CTNND2: variants seen among roughly 807,000 people sequenced by gnomAD.
CTNND2 encodes the protein catenin delta 2.
Under a neutral mutation model 144.4 loss-of-function variants are expected in CTNND2, and 22 were observed. The ratio of observed to expected loss-of-function variants is 0.15; its 90% CI spans 0.11 to 0.22. The LOEUF (loss-of-function observed/expected upper bound fraction) is 0.22, where lower values mean the gene tolerates loss of function less well. Ranked by LOEUF, CTNND2 falls within the 10% of genes least tolerant of loss-of-function variation. CTNND2 has a pLI of 1.00. For missense variants in CTNND2, 1,353 were observed against 1,618.8 expected (o/e 0.84, Z 2.82); for synonymous variants, 751 against 695.6 (o/e 1.08, Z -1.25).
chr5:11,659,538 A>G (rs550802087), intron 2 of CTNND2, among the ~76,000 whole-genome samples: 1 of 152,254 alleles, frequency 6.6e-6, no homozygotes, highest in South Asian at 2.1e-4. Context: ...GCAAGGACAT[A>G]GAGCTGATCC....
At chr5:11,306,386 A>T (rs921296478) in intron 9 of CTNND2, among the ~76,000 whole-genome samples, 2 of 152,206 alleles carry the variant, frequency 1.3e-5, no homozygotes, top group African/African-American at 4.8e-5. Flanking sequence ...AACAAATTAA[A>T]AGTTGCAAGC....
rs185180937 is a variant in CTNND2, at chr5:11,375,086, C to T, written c.1177+9579G>A. On this transcript the variant is annotated intron_variant, in intron 7 of 21. Coordinates refer to ENST00000304623, the MANE Select transcript of CTNND2 (RefSeq NM_001332.4). ...CGAAGATGTTTTACATCTCAACATC[C>T]TAAACAGAGGCCTTTTTCCTCAGAT... Among the ~76,000 whole-genome samples the T allele has an allele frequency of 2.2e-4, 33 of 152,258 alleles. No homozygotes were observed. The East Asian group carries it at 6.2e-3, about 28-fold the overall frequency.
chr5:11,551,047 C>T (rs961822686), intron 3 of CTNND2, among the ~76,000 whole-genome samples: 6 of 152,168 alleles, frequency 3.9e-5, no homozygotes, highest in East Asian at 1.9e-4. Context: ...CCCTCTCTAA[C>T]GTGCACTGTG....
At chr5:11,585,003 G>C (rs538408720) in intron 2 of CTNND2, among the ~76,000 whole-genome samples, 12 of 152,244 alleles carry the variant, frequency 7.9e-5, no homozygotes, top group African/African-American at 2.9e-4. Flanking sequence ...AGAAAATGCA[G>C]ATAAATCACA....
chr5:11,231,654 A>G (rs1336203977), intron 10 of CTNND2, among the ~76,000 whole-genome samples: 1 of 152,252 alleles, frequency 6.6e-6, no homozygotes, highest in Non-Finnish European at 1.5e-5. Context: ...AGCAAAGCAT[A>G]AAAGTTTGAA....
chr5:11,278,632 G>A (rs968693533), intron 9 of CTNND2, among the ~76,000 whole-genome samples: 19 of 152,208 alleles, frequency 1.2e-4, no homozygotes, highest in African/African-American at 4.6e-4. Flanking sequence ...AGGGGATGTG[G>A]CTTGAAGATG....
chr5:11,513,539 T>C (rs1771853125), intron 3 of CTNND2, among the ~76,000 whole-genome samples: 1 of 152,204 alleles, frequency 6.6e-6, no homozygotes, highest in South Asian at 2.1e-4. Context: ...TCCATTTCAC[T>C]TTACAAATTG....
intron 12 of CTNND2, among the ~76,000 whole-genome samples, chr5:11,129,099 A>T (rs1360600091): frequency 0.012 from 354 of 29,212 alleles, 88 homozygotes; most frequent in Non-Finnish European, 0.02. Flanking sequence ...ATTATATATA[A>T]ATAAAATATA....
intron 1 of CTNND2, among the ~76,000 whole-genome samples, chr5:11,749,451 G>A (rs1005605959): frequency 2.6e-5 from 4 of 151,970 alleles, no homozygotes; most frequent in Admixed American, 2.0e-4. Flanking sequence ...AAATATGCCA[G>A]GCCAGAGATT....
chr5:11,869,376 G>A (rs900475549), intron 1 of CTNND2, among the ~76,000 whole-genome samples: 1 of 152,180 alleles, frequency 6.6e-6, no homozygotes, highest in Non-Finnish European at 1.5e-5. Context: ...TTCATACAAT[G>A]GAATATTATT....
At chr5:11,165,369 G>A (rs1759210550) in intron 11 of CTNND2, among the ~76,000 whole-genome samples, 1 of 152,016 alleles carries the variant, frequency 6.6e-6, no homozygotes, top group Non-Finnish European at 1.5e-5. Context: ...TTCAATCTGA[G>A]GAAAAACTAT....
intron 2 of CTNND2, among the ~76,000 whole-genome samples, chr5:11,706,564 C>T (rs538252708): frequency 6.6e-6 from 1 of 152,328 alleles, no homozygotes; most frequent in South Asian, 2.1e-4. Context: ...CTAAAGAGTA[C>T]TCTCTTTCCC....
At chr5:11,874,513 A>T (rs749893312) in intron 1 of CTNND2, among the ~76,000 whole-genome samples, 1 of 152,198 alleles carries the variant, frequency 6.6e-6, no homozygotes, top group Admixed American at 6.5e-5. Flanking sequence ...AATAAGGGTG[A>T]TGTGAACACA....
At chr5:11,900,620 C>T (rs1737778866) in intron 1 of CTNND2, among the ~76,000 whole-genome samples, 1 of 152,212 alleles carries the variant, frequency 6.6e-6, no homozygotes, top group Non-Finnish European at 1.5e-5. Flanking sequence ...GTATCATGAA[C>T]TGTTCCTACT....
intron 3 of CTNND2, among the ~76,000 whole-genome samples, chr5:11,412,315 A>T (rs1194998383): frequency 1.3e-5 from 2 of 152,140 alleles, no homozygotes; most frequent in Admixed American, 1.3e-4. Flanking sequence ...TTTTCAGAAG[A>T]GCTCATTTTT....
At chr5:11,767,017 A>G (rs1789633779) in intron 1 of CTNND2, among the ~76,000 whole-genome samples, 1 of 151,190 alleles carries the variant, frequency 6.6e-6, no homozygotes, top group Admixed American at 6.6e-5. Context: ...ACTGCACAAC[A>G]CTCCATCCAT....
intron 2 of CTNND2, among the ~76,000 whole-genome samples, chr5:11,678,133 A>T (rs1279724657): frequency 6.6e-6 from 1 of 152,182 alleles, no homozygotes; most frequent in African/African-American, 2.4e-5. Context: ...TGACAATACA[A>T]GAAAAAAAAG....
At chr5:11,626,725 T>C (rs140095352) in intron 2 of CTNND2, among the ~76,000 whole-genome samples, 262 of 152,276 alleles carry the variant, frequency 1.7e-3, no homozygotes, top group African/African-American at 6.1e-3. Flanking sequence ...CACAGAAATA[T>C]ACCTACTCAT....
chr5:11,092,650 G>C (rs1750886244), intron 15 of CTNND2, among the ~76,000 whole-genome samples: 1 of 152,204 alleles, frequency 6.6e-6, no homozygotes, highest in African/African-American at 2.4e-5. Flanking sequence ...CTGCTGACTA[G>C]ACAGGGTGCT....
Sources: gnomAD v4.1 joint callset for allele counts (sites outside exome capture counted in the v4.1 genomes callset) on GRCh38, gnomAD v4.1.1 for gene constraint, MANE v1.5 for transcripts, NCBI Gene and HGNC (gene_info 2026-07-23, HGNC 2026-07-21) for gene names.